RAB15: variants seen among roughly 807,000 people sequenced by gnomAD.
The protein encoded by RAB15 is ras-related protein Rab-15.
A neutral mutation model predicts 31.8 loss-of-function variants in RAB15; 13 were observed. That is an observed-to-expected ratio of 0.41 (90% CI 0.27 to 0.65). RAB15 has a LOEUF of 0.65. Among genes scored for constraint, RAB15 ranks in the 30% least tolerant of loss-of-function variants. RAB15 has a pLI of 0.32. For synonymous variants in RAB15, 100 were observed against 105.6 expected (o/e 0.95, Z 0.33); for missense variants, 220 against 277.3 (o/e 0.79, Z 1.47).
chr14:64,963,751 A>C (rs546196298), intron 1 of RAB15, among the ~76,000 whole-genome samples: 9 of 152,318 alleles, frequency 5.9e-5, no homozygotes, highest in Admixed American at 4.6e-4. Flanking sequence ...AGCTGGCCCC[A>C]GCAAGGCTGA....
Position 64,954,290 on chromosome 14 carries a change from A to G in RAB15, c.125-1719T>C, listed in dbSNP as rs1886422787. 1.0e-6 allele frequency: 1 copy of G among 985,474 alleles called. No homozygotes were observed. Among genetic ancestry groups the G allele is most frequent in the Non-Finnish European group, 1.2e-6 (1 of 829,928 alleles). The allele number at this position is 985,474 out of a possible 1,614,324, so 61.0% of individuals were successfully genotyped here. On this transcript the variant is annotated intron_variant, in intron 1 of 6. Transcript: ENST00000533601. The surrounding 1 kb of genome is among the most constrained non-coding windows in gnomAD (Gnocchi z 4.3). Reference sequence around the variant, plus strand: ...AGAGAAGCATCAGGCCTTGGGAAGCAGGAGTATGCTTATTTCTGCCTGGAT... The same window carrying G: ...AGAGAAGCATCAGGCCTTGGGAAGCGGGAGTATGCTTATTTCTGCCTGGAT...
intron 1 of RAB15, among the ~76,000 whole-genome samples, chr14:64,969,861 AAGG>A (rs1296329258): frequency 2.6e-5 from 4 of 152,294 alleles, no homozygotes; most frequent in East Asian, 3.9e-4. Context: ...GGGAAGGGAC[AAGG>A]AGAAGGGTGG....
rs762643019 is a variant in RAB15, at chr14:64,948,537, G to A, written c.481-25C>T. On this transcript the variant is annotated intron_variant, in intron 6 of 6. Transcript: ENST00000533601. This position sits in a 1 kb window ranked among gnomAD's most constrained non-coding sequence, Gnocchi z 7.0. ...ACTGGAAACCAAAGGGCACAGGTTA[G>A]TCCAGTGTCTCCTCCTCTCCCCTGG... The A allele has an allele frequency of 4.4e-6, 7 of 1,601,736 alleles. No homozygotes were observed. Among genetic ancestry groups the A allele is most frequent in the Non-Finnish European group, 6.0e-6 (7 of 1,173,370 alleles).
chr14:64,970,368 A>G lies in RAB15; in HGVS notation c.124+1585T>C, dbSNP rs1887356243. ...TGCCTCTTCCCCAAGTCCTCCCGGC[A>G]GGCACAAAGCCTTAGTGTCTATAGG... On this transcript the variant is annotated intron_variant, in intron 1 of 6. Transcript: ENST00000533601. The surrounding 1 kb of genome is among the most constrained non-coding windows in gnomAD (Gnocchi z 4.1). 6.6e-6 allele frequency among the ~76,000 whole-genome samples: 1 copy of G among 152,184 alleles called. No homozygotes were observed. The highest frequency in any genetic ancestry group is 2.1e-4 in the South Asian group (1 of 4,822).
chr14:64,969,159 A>G (rs1247581140), intron 1 of RAB15, among the ~76,000 whole-genome samples: 2 of 152,228 alleles, frequency 1.3e-5, no homozygotes, highest in Non-Finnish European at 2.9e-5. Context: ...TGTTTTAGGT[A>G]ATGCACAATT....
rs1257628510 is a variant in RAB15, at chr14:64,946,480, TAG to T, written c.*1872_*1873del. The T allele has an allele frequency of 6.6e-6, 1 of 152,288 alleles. No homozygotes were observed. Among genetic ancestry groups the T allele is most frequent in the Non-Finnish European group, 1.5e-5 (1 of 68,078 alleles). The allele number at this position is 152,288 out of a possible 1,614,324, so 9.4% of individuals were successfully genotyped here. On this transcript the variant is annotated 3_prime_UTR_variant, in exon 7 of 7. Coordinates refer to ENST00000533601, the MANE Select transcript of RAB15 (RefSeq NM_001308154.2). ...CTCCAGCCTAGTCACAGCTTCATCC[TAG>T]AGTTAGCTGTCTCCTTTTCTCATTA...
Position 64,951,715 on chromosome 14 carries a change from G to T in RAB15, c.186-52C>A. On this transcript the variant is annotated intron_variant, in intron 2 of 6. Transcript: ENST00000533601. The surrounding 1 kb of genome is among the most constrained non-coding windows in gnomAD (Gnocchi z 7.2). The stretch of plus-strand genomic sequence containing the variant: ...GGAGCAGGGACCATGGGAACAGACG[G>T]GGAGGGGAAGAGCAGAGCTGTCCCC... 1 of 1,504,084 alleles carries T rather than the reference G, an allele frequency of 6.6e-7. No individual in the cohort carries two copies. The highest frequency in any genetic ancestry group is 1.1e-5 in the South Asian group (1 of 88,896). 93.2% of individuals were successfully genotyped at this position (1,504,084 alleles called of 1,614,324 possible). A position where few individuals can be genotyped will look rare whatever the true frequency, so the allele number is the denominator to read the frequency against.
At chr14:64,949,868 GCTCTTTGT>G (rs1201754922) in intron 5 of RAB15, among the ~76,000 whole-genome samples, 1 of 152,100 alleles carries the variant, frequency 6.6e-6, no homozygotes, top group Non-Finnish European at 1.5e-5. Context: ...TCCAGCTGTG[GCTCTTTGT>G]CTCCTCATTT....
chr14:64,965,231 G>A (rs1374795952), intron 1 of RAB15, among the ~76,000 whole-genome samples: 1 of 152,086 alleles, frequency 6.6e-6, no homozygotes. Flanking sequence ...GCCGAGGTGG[G>A]TGGATCAGCT....
At position 64,971,132 on chromosome 14, in the gene RAB15, G is replaced by C. The variant is rs1034442773; in HGVS notation, c.124+821C>G. Reference sequence around the variant, plus strand: ...AGGGGGCCCCTCACAGCCTAGAAGCGGGAGACTGACTGTCTCAGAGGGGAG... The same window carrying C: ...AGGGGGCCCCTCACAGCCTAGAAGCCGGAGACTGACTGTCTCAGAGGGGAG... On this transcript the variant is annotated intron_variant, in intron 1 of 6. Transcript: ENST00000533601. The surrounding 1 kb of genome is among the most constrained non-coding windows in gnomAD (Gnocchi z 4.1). Among the ~76,000 whole-genome samples the C allele has an allele frequency of 6.6e-5, 10 of 152,250 alleles. No homozygotes were observed. Among genetic ancestry groups the C allele is most frequent in the African/African-American group, 1.7e-4 (7 of 41,544 alleles).
In RAB15 at chr14:64,970,239, G is replaced by A. The variant is rs573167939; in HGVS notation, c.124+1714C>T. Among the ~76,000 whole-genome samples the A allele has an allele frequency of 6.6e-6, 1 of 152,320 alleles. No homozygotes were observed. Among genetic ancestry groups the A allele is most frequent in the Admixed American group, 6.5e-5 (1 of 15,300 alleles). ...AAATAGCCACTCCTAGTTTCCTTAA[G>A]GGATAACCCACCGCCCTTTGTCCCT... On this transcript the variant is annotated intron_variant, in intron 1 of 6. Transcript: ENST00000533601. The surrounding 1 kb of genome is among the most constrained non-coding windows in gnomAD (Gnocchi z 4.1).
intron 5 of RAB15, among the ~76,000 whole-genome samples, chr14:64,949,096 G>A (rs956462124): frequency 2.0e-5 from 3 of 152,220 alleles, no homozygotes; most frequent in African/African-American, 7.2e-5. Flanking sequence ...ATGGCTAGCT[G>A]TGTGACCTTG....
intron 1 of RAB15, among the ~76,000 whole-genome samples, chr14:64,959,516 ACATAGTGCCAG>A (rs1398119865): frequency 1.3e-5 from 2 of 152,184 alleles, no homozygotes; most frequent in South Asian, 2.1e-4. Context: ...AATCTCTGCC[ACATAGTGCCAG>A]CATAGTGCCA....
rs147294410 is a variant in RAB15, at chr14:64,953,557, G to A, written c.125-986C>T. 1.3e-3 allele frequency among the ~76,000 whole-genome samples: 200 copies of A among 152,292 alleles called. No individual in the cohort carries two copies. The highest frequency in any genetic ancestry group is 4.6e-3 in the African/African-American group (192 of 41,546). Reference sequence around the variant, plus strand: ...AGGGCTGGAGGAGCTAAGCTGCCACGAGACACAAGAAACCGAAGGGATTTG... The same window carrying A: ...AGGGCTGGAGGAGCTAAGCTGCCACAAGACACAAGAAACCGAAGGGATTTG... On this transcript the variant is annotated intron_variant, in intron 1 of 6. Transcript: ENST00000533601. The surrounding 1 kb of genome is among the most constrained non-coding windows in gnomAD (Gnocchi z 4.6).
At position 64,968,041 on chromosome 14, in the gene RAB15, C is replaced by T. The variant is rs1465233252; in HGVS notation, c.124+3912G>A. Among the ~76,000 whole-genome samples the T allele has an allele frequency of 6.6e-6, 1 of 152,214 alleles. No homozygotes were observed. Among genetic ancestry groups the T allele is most frequent in the African/African-American group, 2.4e-5 (1 of 41,442 alleles). Reference sequence around the variant, plus strand: ...TGTTCCACCTCCTTGGCCAGGCTCTCAATGCCCTCTGCCAACTGGTCCCTG... The same window carrying T: ...TGTTCCACCTCCTTGGCCAGGCTCTTAATGCCCTCTGCCAACTGGTCCCTG... On this transcript the variant is annotated intron_variant, in intron 1 of 6. Transcript: ENST00000533601. The surrounding 1 kb of genome is among the most constrained non-coding windows in gnomAD (Gnocchi z 4.9).
In RAB15 at chr14:64,954,396, CT is replaced by C. The variant is rs1309225994; in HGVS notation, c.125-1826del. ...ACATTCTTGTTTCATGATACAGCACCTTCTTCCAAGAAGAACGAGAAATTTT... is the reference window on the plus strand; with the variant it reads ...ACATTCTTGTTTCATGATACAGCACCTCTTCCAAGAAGAACGAGAAATTTT... On this transcript the variant is annotated intron_variant, in intron 1 of 6. Transcript: ENST00000533601. The surrounding 1 kb of genome is among the most constrained non-coding windows in gnomAD (Gnocchi z 4.3). The C allele has an allele frequency of 1.0e-6, 1 of 985,230 alleles. No individual in the cohort carries two copies. Among genetic ancestry groups the C allele is most frequent in the African/African-American group, 1.7e-5 (1 of 57,226 alleles). 61.0% of individuals were successfully genotyped at this position (985,230 alleles called of 1,614,324 possible).
rs547609692 is a variant in RAB15, at chr14:64,958,147, C to T, written c.125-5576G>A. The T allele has an allele frequency of 6.6e-5, 10 of 152,276 alleles. No individual in the cohort carries two copies. Among genetic ancestry groups the T allele is most frequent in the African/African-American group, 2.4e-4 (10 of 41,558 alleles). 9.4% of individuals were successfully genotyped at this position (152,276 alleles called of 1,614,324 possible). ...TTTAGTAGAGACGGGGTTTCACTGA[C>T]ATTATGCGGCATCTAGAAGTGAGGC... On this transcript the variant is annotated intron_variant, in intron 1 of 6. Coordinates refer to ENST00000533601, the MANE Select transcript of RAB15 (RefSeq NM_001308154.2). This position sits in a 1 kb window ranked among gnomAD's most constrained non-coding sequence, Gnocchi z 4.4.
In RAB15 at chr14:64,948,842, G is replaced by T; in HGVS notation, c.415-109C>A. ...ACTCACAACCATGCTGTGTTGTGAC[G>T]ATTTCTCAGAGTAGATAATTTCTCA... On this transcript the variant is annotated intron_variant, in intron 5 of 6. Coordinates refer to ENST00000533601, the MANE Select transcript of RAB15 (RefSeq NM_001308154.2). The surrounding 1 kb of genome is among the most constrained non-coding windows in gnomAD (Gnocchi z 7.0). 1.1e-6 allele frequency: 1 copy of T among 934,868 alleles called. No homozygotes were observed. The highest frequency in any genetic ancestry group is 1.4e-5 in the South Asian group (1 of 68,968). The allele number at this position is 934,868 out of a possible 1,614,324, so 57.9% of individuals were successfully genotyped here.
chr14:64,964,534 AAAAAG>A (rs1887024183), intron 1 of RAB15, among the ~76,000 whole-genome samples: 1 of 150,720 alleles, frequency 6.6e-6, no homozygotes, highest in East Asian at 1.9e-4. Flanking sequence ...AAAAAAAGAA[AAAAAG>A]AAAAAAGAAA....
Sources: allele counts gnomAD v4.1 joint callset (sites outside exome capture counted in the v4.1 genomes callset), GRCh38; gene constraint gnomAD v4.1.1; non-coding constraint Gnocchi (gnomAD v3.1); transcripts MANE v1.5; gene names NCBI Gene and HGNC (gene_info 2026-07-23, HGNC 2026-07-21).